CDC42BPA: variants seen among roughly 807,000 people sequenced by gnomAD.
CDC42BPA encodes the protein serine/threonine-protein kinase MRCK alpha.
In CDC42BPA, 80 loss-of-function variants were observed where a neutral mutation model predicts 223.5. The ratio of observed to expected loss-of-function variants is 0.36; its 90% CI spans 0.30 to 0.43. The LOEUF (loss-of-function observed/expected upper bound fraction) is 0.43. Among genes scored for constraint, CDC42BPA ranks in the 20% least tolerant of loss-of-function variants. CDC42BPA has a pLI of 1.00. For missense variants in CDC42BPA, 1,743 were observed against 2,099.9 expected, an observed-to-expected ratio of 0.83 and a Z score of 3.32; for synonymous variants, 694 against 718.6, an observed-to-expected ratio of 0.97 and a Z score of 0.55.
intron 30 of CDC42BPA, among the ~76,000 whole-genome samples, 155 bp from the exon 31 acceptor site, chr1:227,026,307 A>G (rs941416399): frequency 5.3e-5 from 8 of 152,228 alleles, no homozygotes; most frequent in African/African-American, 1.7e-4. Flanking sequence ...TTTTTGAAGC[A>G]AACAGAACAT....
rs1302291274 is a variant in CDC42BPA at position 227,168,497 on chromosome 1, G to GTGTTTTTTTT, written c.600-7862_600-7861insAAAAAAAACA. ...CTTTTTCATATTTATCTTCCCTGGT[G>GTGTTTTTTTT]TTTTTTTTTTTTTTTTGAGGCAGAG... On this transcript the variant is annotated intron_variant, in intron 5 of 36. Transcript: ENST00000366766. Among the ~76,000 whole-genome samples, 86 of 80,212 alleles carry GTGTTTTTTTT rather than the reference G, an allele frequency of 1.1e-3. 3 individuals are homozygous for GTGTTTTTTTT. Among genetic ancestry groups the GTGTTTTTTTT allele is most frequent in the African/African-American group, 2.7e-3 (54 of 20,208 alleles). The allele number at this position is 80,212 out of a possible 152,430, so 52.6% of individuals were successfully genotyped here.
At chr1:227,118,489 T>C (rs2149430898) in intron 12 of CDC42BPA, among the ~76,000 whole-genome samples, 1 of 152,252 alleles carries the variant, frequency 6.6e-6, no homozygotes, top group Non-Finnish European at 1.5e-5. Flanking sequence ...TTTATTGGTA[T>C]AATCTGTTTC....
Position 227,030,443 on chromosome 1 carries a change from T to A in CDC42BPA, c.3803A>T (p.Glu1268Val). ...IDHERIALGN[E>V]EGLFVVHVTK... ...GACATGTACAACAAATAACCCTTCTTCGTTTCCCAAAGCAATTCTTTCATG... is the reference window on the plus strand; with the variant it reads ...GACATGTACAACAAATAACCCTTCTACGTTTCCCAAAGCAATTCTTTCATG... The change falls in exon 29 of 37, where the codon GAA becomes GTA. Residue 1268 changes from glutamate (E) to valine (V), a missense_variant. This residue lies in a region of CDC42BPA where 678 missense variants were observed against 777.5 expected (regional missense o/e 0.87). Coordinates refer to ENST00000366766, the MANE Select transcript of CDC42BPA (RefSeq NM_001394014.1). The A allele has an allele frequency of 6.2e-7, 1 of 1,602,718 alleles. No homozygotes were observed. Among genetic ancestry groups the A allele is most frequent in the South Asian group, 1.1e-5 (1 of 88,360 alleles).
At chr1:227,202,585 A>G (rs1671971539) in intron 3 of CDC42BPA, among the ~76,000 whole-genome samples, 1 of 152,128 alleles carries the variant, frequency 6.6e-6, no homozygotes, top group Admixed American at 6.5e-5. Context: ...TTTGAGTTCT[A>G]ATCTATGCTA....
intron 1 of CDC42BPA, among the ~76,000 whole-genome samples, chr1:227,257,359 AC>A (rs1384031598): frequency 2.8e-5 from 4 of 144,918 alleles, no homozygotes; most frequent in Non-Finnish European, 5.9e-5. Context: ...GTATTTTACC[AC>A]AATTTTTAAA....
At chr1:227,150,094 C>T (rs1198607379) in intron 6 of CDC42BPA, among the ~76,000 whole-genome samples, 1 of 151,738 alleles carries the variant, frequency 6.6e-6, no homozygotes, top group Non-Finnish European at 1.5e-5. Context: ...CATGGTGGCA[C>T]ATGTCTGTAC....
chr1:227,262,026 G>A (rs1684167271), intron 1 of CDC42BPA, among the ~76,000 whole-genome samples: 1 of 151,288 alleles, frequency 6.6e-6, no homozygotes, highest in Non-Finnish European at 1.5e-5. Flanking sequence ...ATCTACCTCA[G>A]TCAAAAGTGA....
At chr1:227,217,058 C>T (rs1385442858) in intron 2 of CDC42BPA, among the ~76,000 whole-genome samples, 1 of 152,108 alleles carries the variant, frequency 6.6e-6, no homozygotes, top group African/African-American at 2.4e-5. Flanking sequence ...TCTTAAGTTA[C>T]AGGTTGTAGA....
At position 227,033,338 on chromosome 1, in the gene CDC42BPA, A is replaced by T; in HGVS notation, c.3554T>A (p.Phe1185Tyr). 6.3e-7 allele frequency: 1 copy of T among 1,595,028 alleles called. No homozygotes were observed. The change falls in exon 27 of 37, where the codon TTT becomes TAT. Residue 1185 changes from phenylalanine (F) to tyrosine (Y), a missense_variant. Physicochemically the swap from Phe to Tyr is conservative, Grantham distance 22. Coordinates refer to ENST00000366766, the MANE Select transcript of CDC42BPA (RefSeq NM_001394014.1). ...AATTACAGCATACACACTTACCCTA[A>T]ATATACAGGGTATATCTTTCCGACT... The part of the protein sequence containing the change: ...HASRKDIPCI[F>Y]RVTASQLSAS...
chr1:227,224,689 T>C (rs903838807), intron 2 of CDC42BPA, among the ~76,000 whole-genome samples: 2 of 152,180 alleles, frequency 1.3e-5, no homozygotes, highest in African/African-American at 4.8e-5. Context: ...AAAATTAAAG[T>C]GTAAAGAAAA....
chr1:227,142,354 G>A (rs1186307981), intron 9 of CDC42BPA, among the ~76,000 whole-genome samples: 1 of 152,110 alleles, frequency 6.6e-6, no homozygotes, highest in East Asian at 1.9e-4. Context: ...TCTCCTGCTT[G>A]ACATCTAGAG....
chr1:227,114,072 T>C (rs1206804271), intron 12 of CDC42BPA, among the ~76,000 whole-genome samples: 1 of 148,686 alleles, frequency 6.7e-6, no homozygotes, highest in Non-Finnish European at 1.5e-5. Context: ...ATTAAAGACA[T>C]GCATCCATCA....
chr1:227,048,970 A>G (rs1410266058), intron 22 of CDC42BPA, among the ~76,000 whole-genome samples: 2 of 151,980 alleles, frequency 1.3e-5, no homozygotes, highest in African/African-American at 4.8e-5. Context: ...CAAAAACAGA[A>G]TATTTTATAA....
intron 17 of CDC42BPA, among the ~76,000 whole-genome samples, chr1:227,079,990 C>T (rs926067492): frequency 1.3e-5 from 2 of 149,192 alleles, no homozygotes; most frequent in Non-Finnish European, 3.0e-5. Context: ...TAACTTTTTA[C>T]AATGTTTTAT....
rs1309498246 is a variant in CDC42BPA at position 227,230,812 on chromosome 1, C to CTTT, written c.271-17596_271-17594dup. ...GCTAACTGATTTCTATTTCTTTTTT[C>CTTT]TTTCTTTCTTTTTTTTTTTTTTTTT... On this transcript the variant is annotated intron_variant, in intron 2 of 36. Coordinates refer to ENST00000366766, the MANE Select transcript of CDC42BPA (RefSeq NM_001394014.1). Among the ~76,000 whole-genome samples the CTTT allele has an allele frequency of 4.2e-4, 47 of 111,752 alleles. 3 individuals carry two copies. The highest frequency in any genetic ancestry group is 5.0e-4 in the Non-Finnish European group (27 of 53,682). 73.3% of individuals were successfully genotyped at this position (111,752 alleles called of 152,430 possible).
intron 11 of CDC42BPA, among the ~76,000 whole-genome samples, chr1:227,126,795 TTAA>T (rs1267257924): frequency 6.6e-6 from 1 of 152,154 alleles, no homozygotes; most frequent in African/African-American, 2.4e-5. Context: ...TCAGCACCCA[TTAA>T]TGATTTTAAA....
At chr1:227,211,742 A>G (rs1673940301) in intron 3 of CDC42BPA, among the ~76,000 whole-genome samples, 1 of 151,980 alleles carries the variant, frequency 6.6e-6, no homozygotes, top group Non-Finnish European at 1.5e-5. Context: ...ACAGAGTGGA[A>G]TAATACATTG....
At chr1:227,017,897 G>GAGGAGGTGAGAAGA (rs1666605651) in intron 32 of CDC42BPA, among the ~76,000 whole-genome samples, 1 of 152,006 alleles carries the variant, frequency 6.6e-6, no homozygotes, top group Admixed American at 6.6e-5. Flanking sequence ...AAGTGAGAAG[G>GAGGAGGTGAGAAGA]AGGAGGTGAG....
Position 227,318,059 on chromosome 1 carries a change from T to G in CDC42BPA, c.-877A>C. The G allele has an allele frequency of 3.4e-6, 1 of 296,478 alleles. No homozygotes were observed. Among genetic ancestry groups the G allele is most frequent in the Non-Finnish European group, 6.1e-6 (1 of 163,312 alleles). 18.4% of individuals were successfully genotyped at this position (296,478 alleles called of 1,614,324 possible). On this transcript the variant is annotated 5_prime_UTR_variant, in exon 1 of 37. Transcript: ENST00000366766. ...CCCACTCCATGTCGGTGGTCGCTCGTGGGCCGAGCCGCGCCGCGCCGCGCC... is the reference window on the plus strand; with the variant it reads ...CCCACTCCATGTCGGTGGTCGCTCGGGGGCCGAGCCGCGCCGCGCCGCGCC...
Sources: allele counts gnomAD v4.1 joint callset (sites outside exome capture counted in the v4.1 genomes callset), GRCh38; gene constraint gnomAD v4.1.1; regional missense constraint gnomAD v4.1.1; transcripts MANE v1.5; gene names NCBI Gene and HGNC (gene_info 2026-07-23, HGNC 2026-07-21).